ADGRD1: variants seen among roughly 807,000 people sequenced by gnomAD.
ADGRD1 encodes the protein G-protein coupled receptor 133.
A neutral mutation model predicts 113.4 loss-of-function variants in ADGRD1; 77 were observed. The observed-to-expected ratio is 0.68, with a 90% CI of 0.57 to 0.82. The LOEUF (loss-of-function observed/expected upper bound fraction) is 0.82, where lower values mean the gene tolerates loss of function less well. Among genes scored for constraint, ADGRD1 ranks in the 40% least tolerant of loss-of-function variants. The pLI is 0.00. For missense variants in ADGRD1, 1,036 were observed against 1,139.1 expected (o/e 0.91, Z 1.30); for synonymous variants, 474 against 475.0 (o/e 1.00, Z 0.03).
intron 13 of ADGRD1, among the ~76,000 whole-genome samples, chr12:131,040,224 C>T (rs1881978234): frequency 6.6e-6 from 1 of 152,140 alleles, no homozygotes; most frequent in Admixed American, 6.5e-5. Flanking sequence ...TTTTGTCAAC[C>T]AGACGTGCAA....
chr12:130,982,500 C>T (rs1442639281), intron 5 of ADGRD1, among the ~76,000 whole-genome samples: 4 of 152,216 alleles, frequency 2.6e-5, no homozygotes, highest in Non-Finnish European at 5.9e-5. Context: ...CTTTTTCTCT[C>T]ACAGTCTTTG....
chr12:130,969,099 C>T (rs530415489), intron 3 of ADGRD1: 181 of 1,289,812 alleles, frequency 1.4e-4, no homozygotes, highest in African/African-American at 1.3e-3. Flanking sequence ...TTTTGTTCTT[C>T]GTTCTGTCAA....
chr12:131,051,040 C>A (rs377320279), intron 13 of ADGRD1, among the ~76,000 whole-genome samples: 1 of 152,124 alleles, frequency 6.6e-6, no homozygotes, highest in East Asian at 1.9e-4. Flanking sequence ...ATGAGAACAC[C>A]GCCCGCATGA....
chr12:131,098,733 C>G (rs1950001446), intron 15 of ADGRD1, among the ~76,000 whole-genome samples: 1 of 152,226 alleles, frequency 6.6e-6, no homozygotes, highest in African/African-American at 2.4e-5. Context: ...TCCATCACAG[C>G]CTCATCAACA....
intron 2 of ADGRD1, chr12:130,957,250 T>A (rs1869738206): frequency 6.6e-6 from 1 of 152,024 alleles, no homozygotes. Flanking sequence ...AGTCACAGAC[T>A]ACACACATCC....
Position 130,992,399 on chromosome 12 carries a change from C to T in ADGRD1, c.966+7C>T, listed in dbSNP as rs1461365946. 6.2e-7 allele frequency: 1 copy of T among 1,609,680 alleles called. No individual in the cohort carries two copies. The highest frequency in any genetic ancestry group is 2.2e-5 in the East Asian group (1 of 44,848). ...AGCCTTGAATCTCACCAAGGTAAGG[C>T]TATTTGATGTCTGTGTCTGGTGGAC... On this transcript the variant is annotated splice_region_variant and intron_variant, in intron 8 of 24. Coordinates refer to ENST00000261654, the MANE Select transcript of ADGRD1 (RefSeq NM_198827.5).
At chr12:131,004,392 G>GCTGCGGTGATCCCCCGGGCCGC in intron 11 of ADGRD1, 96 bp downstream of exon 11, 3 of 790,718 alleles carry the variant, frequency 3.8e-6, no homozygotes, top group Non-Finnish European at 6.3e-6. Context: ...GCGCCAGGGA[G>GCTGCGGTGATCCCCCGGGCCGC]CTGCGGTGCT....
At position 131,029,674 on chromosome 12, in the gene ADGRD1, G is replaced by A. The variant is rs537760133; in HGVS notation, c.1473+15334G>A. On this transcript the variant is annotated intron_variant, in intron 13 of 24. Transcript: ENST00000261654. Reference sequence around the variant, plus strand: ...TCTGGGGTTAGGTTATGGACCCCTCGTATGGTGACATTCCCAGGCTCTGGG... The same window carrying A: ...TCTGGGGTTAGGTTATGGACCCCTCATATGGTGACATTCCCAGGCTCTGGG... Among the ~76,000 whole-genome samples, 8 of 135,490 alleles carry A rather than the reference G, an allele frequency of 5.9e-5. 1 individual carries two copies. In the South Asian group the frequency reaches 7.4e-4, roughly 13 times the overall value. The allele number at this position is 135,490 out of a possible 152,430, so 88.9% of individuals were successfully genotyped here.
intron 13 of ADGRD1, among the ~76,000 whole-genome samples, chr12:131,037,051 C>T (rs368815374): frequency 6.9e-6 from 1 of 145,778 alleles, no homozygotes; most frequent in Non-Finnish European, 1.5e-5. Flanking sequence ...GGGCCTCACT[C>T]ACTGCACCGG....
chr12:131,065,087 G>A (rs540259473), intron 13 of ADGRD1, among the ~76,000 whole-genome samples: 6 of 152,176 alleles, frequency 3.9e-5, no homozygotes, highest in African/African-American at 1.2e-4. Flanking sequence ...AGTCCTTTTC[G>A]AATAAATCTT....
intron 13 of ADGRD1, among the ~76,000 whole-genome samples, chr12:131,068,884 C>A (rs1478821653): frequency 6.6e-6 from 1 of 152,334 alleles, no homozygotes; most frequent in African/African-American, 2.4e-5. Flanking sequence ...CTTTTATAGA[C>A]GTTTATAGGT....
At chr12:131,015,414 A>G (rs895704339) in intron 13 of ADGRD1, among the ~76,000 whole-genome samples, 4 of 151,196 alleles carry the variant, frequency 2.6e-5, no homozygotes, top group African/African-American at 9.8e-5. Context: ...GGAGATGGAG[A>G]TGGAGACGGG....
In ADGRD1 at chr12:131,139,247, A is replaced by G. The variant is rs751799117; in HGVS notation, c.2609A>G (p.Asp870Gly). The G allele has an allele frequency of 1.9e-6, 3 of 1,612,486 alleles. No individual in the cohort carries two copies. Among genetic ancestry groups the G allele is most frequent in the Non-Finnish European group, 8.5e-7 (1 of 1,179,538 alleles). The change falls in exon 25 of 25, where the codon GAC becomes GGC. Residue 870 changes from aspartate (D) to glycine (G), a missense_variant. By Grantham distance (94) the Asp-to-Gly change is moderately conservative. Coordinates refer to ENST00000261654, the MANE Select transcript of ADGRD1 (RefSeq NM_198827.5). Reference protein sequence around the residue: ...DKSSHSAHRVDLSAV With the variant: ...DKSSHSAHRVGLSAV ...AGCAGCCACTCTGCCCACCGCGTCG[A>G]CCTGTCAGCCGTGTGAGCCGGGAGG...
In ADGRD1 at chr12:131,140,848, C is replaced by T. The variant is rs1319030494; in HGVS notation, c.*1585C>T. On this transcript the variant is annotated 3_prime_UTR_variant, in exon 25 of 25. Transcript: ENST00000261654. The stretch of plus-strand genomic sequence containing the variant: ...CAGGCGAGGCCCAGGCTGCACCAGC[C>T]ACCTGCCACATGGTGACAGTGCCAC... 4 of 152,308 alleles carry T rather than the reference C, an allele frequency of 2.6e-5. No individual in the cohort carries two copies. Among genetic ancestry groups the T allele is most frequent in the Non-Finnish European group, 5.9e-5 (4 of 68,078 alleles). 9.4% of individuals were successfully genotyped at this position (152,308 alleles called of 1,614,324 possible). A position where few individuals can be genotyped will look rare whatever the true frequency, so the allele number is the denominator to read the frequency against.
rs752501197 is a variant in ADGRD1 at position 130,954,707 on chromosome 12, A to C, written c.103+47A>C. On this transcript the variant is annotated intron_variant, in intron 2 of 24. Coordinates refer to ENST00000261654, the MANE Select transcript of ADGRD1 (RefSeq NM_198827.5). The surrounding 1 kb of genome is among the most constrained non-coding windows in gnomAD (Gnocchi z 4.7). The stretch of plus-strand genomic sequence containing the variant: ...TCTGAGCACCGCTCTCCCCCTGCCT[A>C]GTGCAGGTATCTCAGGAACAGCCCA... 4.8e-5 allele frequency: 75 copies of C among 1,557,582 alleles called. No individual in the cohort carries two copies. The highest frequency in any genetic ancestry group is 2.8e-5 in the Non-Finnish European group (32 of 1,130,132).
At chr12:130,980,766 C>G (rs993895658) in intron 4 of ADGRD1, 1 of 152,204 alleles carries the variant, frequency 6.6e-6, no homozygotes, top group African/African-American at 2.4e-5. Flanking sequence ...CATTGTTTTT[C>G]CATGTTTACA....
At position 131,138,073 on chromosome 12, in the gene ADGRD1, C is replaced by A. The variant is rs1951141707; in HGVS notation, c.2437-64C>A. 4 of 1,355,688 alleles carry A rather than the reference C, an allele frequency of 3.0e-6. No homozygotes were observed. The South Asian group carries it at 3.5e-5, about 12-fold the overall frequency. 84.0% of individuals were successfully genotyped at this position (1,355,688 alleles called of 1,614,324 possible). A position where few individuals can be genotyped will look rare whatever the true frequency, so the allele number is the denominator to read the frequency against. On this transcript the variant is annotated intron_variant, in intron 23 of 24. Transcript: ENST00000261654. The stretch of plus-strand genomic sequence containing the variant: ...GGTTCCGGAGTTGCACCGGCACAGA[C>A]TCCTCTGGTTACGGCTGTTGCAGCC...
At chr12:131,121,986 G>C (rs1950607439) in intron 20 of ADGRD1, 1 of 152,442 alleles carries the variant, frequency 6.6e-6, no homozygotes, top group Admixed American at 6.5e-5. Context: ...GTGGACACCA[G>C]GAGCTGCTGG....
intron 18 of ADGRD1, among the ~76,000 whole-genome samples, chr12:131,115,972 A>G (rs981858512): frequency 2.0e-5 from 3 of 151,742 alleles, no homozygotes; most frequent in Non-Finnish European, 4.4e-5. Context: ...AGCCCCAGGA[A>G]TAGAACGAGG....
Sources: gnomAD v4.1 joint callset for allele counts (sites outside exome capture counted in the v4.1 genomes callset) on GRCh38, gnomAD v4.1.1 for gene constraint, Gnocchi (gnomAD v3.1) non-coding constraint, MANE v1.5 for transcripts, NCBI Gene and HGNC (gene_info 2026-07-23, HGNC 2026-07-21) for gene names.